Variants in JAM3 observed in about 807,000 individuals in gnomAD.
JAM3 encodes the protein junctional adhesion molecule 3.
Under a neutral mutation model 39.4 loss-of-function variants are expected in JAM3, and 31 were observed. The ratio of observed to expected loss-of-function variants is 0.79; its 90% CI spans 0.59 to 1.06. The LOEUF is 1.06. Among genes scored for constraint, JAM3 ranks in the 50% least tolerant of loss-of-function variants. The pLI, the probability that JAM3 is intolerant of heterozygous loss-of-function variation, is 0.00. For missense variants in JAM3, 455 were observed against 391.4 expected (o/e 1.16, Z -1.37); for synonymous variants, 182 against 148.7 (o/e 1.22, Z -1.63).
rs115441026 is a variant in JAM3 at position 134,094,869 on chromosome 11, A to G, written c.76+25710A>G. ...GTTCACTGCATTTCTTGGCCCAAAT[A>G]TAGTACGTGCTAGATGCTCAATAAT... is the stretch of plus-strand genomic sequence containing the variant. On this transcript the variant is annotated intron_variant, in intron 1 of 8. Transcript: ENST00000299106. Among the ~76,000 whole-genome samples the G allele has an allele frequency of 4.5e-3, 681 of 152,376 alleles. 2 individuals are homozygous for G. The highest frequency in any genetic ancestry group is 0.015 in the African/African-American group (632 of 41,588).
rs1169282660 is a variant in JAM3, at chr11:134,139,861, A to G, written c.87A>G (p.Ile29Met). 3 of 1,613,826 alleles carry G rather than the reference A, an allele frequency of 1.9e-6. No homozygotes were observed. The highest frequency in any genetic ancestry group is 2.5e-6 in the Non-Finnish European group (3 of 1,179,680). The change falls in exon 2 of 9, where the codon ATA becomes ATG. Residue 29 changes from isoleucine to methionine, a missense_variant. Transcript: ENST00000299106. ...TTCTTTCTCCTTCAGGCTGCCTGAT[A>G]GGGGCTGTAAATCTCAAATCCAGCA... is the stretch of plus-strand genomic sequence containing the variant. ...FLLLLFRGCLIGAVNLKSSNR... is the reference protein window; with the variant it reads ...FLLLLFRGCLMGAVNLKSSNR...
At chr11:134,111,411 C>T (rs972551309) in intron 1 of JAM3, among the ~76,000 whole-genome samples, 1 of 152,012 alleles carries the variant, frequency 6.6e-6, no homozygotes, top group Admixed American at 6.6e-5. Flanking sequence ...CACCATTCAT[C>T]TTTTAACTAT....
Position 134,148,755 on chromosome 11 carries a change from T to G in JAM3, c.843-9T>G. ...ACCCTGTTGCTAAACTGCTCTCTTC[T>G]CCTCATAGTTACAAGAACCCAGGGA... is the stretch of plus-strand genomic sequence containing the variant. On this transcript the variant is annotated splice_polypyrimidine_tract_variant and intron_variant, in intron 7 of 8. Transcript: ENST00000299106. 1 of 1,613,678 alleles carries G rather than the reference T, an allele frequency of 6.2e-7. No homozygotes were observed. The highest frequency in any genetic ancestry group is 8.5e-7 in the Non-Finnish European group (1 of 1,179,712).
intron 1 of JAM3, among the ~76,000 whole-genome samples, chr11:134,087,223 A>G (rs557366444): frequency 2.6e-5 from 4 of 152,282 alleles, no homozygotes; most frequent in African/African-American, 4.8e-5. Flanking sequence ...ACACACGCAC[A>G]CACACACACT....
At chr11:134,118,257 CTG>C (rs1475699425) in intron 1 of JAM3, among the ~76,000 whole-genome samples, 5 of 152,200 alleles carry the variant, frequency 3.3e-5, no homozygotes, top group African/African-American at 1.2e-4. Flanking sequence ...ATGTGTTCAT[CTG>C]TGCTTTAGAG....
At chr11:134,093,337 C>T (rs1452655646) in intron 1 of JAM3, among the ~76,000 whole-genome samples, 1 of 132,758 alleles carries the variant, frequency 7.5e-6, no homozygotes, top group African/African-American at 2.9e-5. Context: ...ATGTCACTCC[C>T]TGAGGGAAGC....
At chr11:134,082,867 A>G (rs1941689683) in intron 1 of JAM3, among the ~76,000 whole-genome samples, 1 of 152,210 alleles carries the variant, frequency 6.6e-6, no homozygotes, top group Non-Finnish European at 1.5e-5. Context: ...ATCCCTATAG[A>G]GGACACATAT....
chr11:134,149,201 A>C lies in JAM3; in HGVS notation c.*20A>C, dbSNP rs746562043. ...ATCTGAGACCCGCGGTGTGGCTGAG[A>C]GCGCACAGAGCGCACGTGCACATAC... On this transcript the variant is annotated 3_prime_UTR_variant, in exon 9 of 9. Coordinates refer to ENST00000299106, the MANE Select transcript of JAM3 (RefSeq NM_032801.5). 20 of 1,613,928 alleles carry C rather than the reference A, an allele frequency of 1.2e-5. 1 individual carries two copies. In the South Asian group the frequency reaches 1.6e-4, roughly 13 times the overall value.
intron 1 of JAM3, among the ~76,000 whole-genome samples, chr11:134,109,309 C>T (rs1049167028): frequency 5.3e-5 from 8 of 152,066 alleles, no homozygotes; most frequent in Admixed American, 5.2e-4. Context: ...TCTAGCAGTG[C>T]AACCAGGGAT....
chr11:134,107,945 T>TA (rs1287656737), intron 1 of JAM3, among the ~76,000 whole-genome samples: 1 of 150,904 alleles, frequency 6.6e-6, no homozygotes, highest in Non-Finnish European at 1.5e-5. Context: ...AAGAAGATAA[T>TA]AAAGGTAAAA....
At chr11:134,090,737 C>G (rs1332897357) in intron 1 of JAM3, among the ~76,000 whole-genome samples, 5 of 152,068 alleles carry the variant, frequency 3.3e-5, no homozygotes, top group Admixed American at 6.6e-5. Context: ...TTGAAAACTC[C>G]AAACTACTAA....
chr11:134,082,711 G>A (rs368457323), intron 1 of JAM3, among the ~76,000 whole-genome samples: 5 of 152,190 alleles, frequency 3.3e-5, no homozygotes, highest in Middle Eastern at 3.4e-3. Context: ...GCCCAGTCTC[G>A]GGTATGTCTT....
chr11:134,115,977 T>C (rs1942423739), intron 1 of JAM3, among the ~76,000 whole-genome samples: 1 of 152,206 alleles, frequency 6.6e-6, no homozygotes, highest in Non-Finnish European at 1.5e-5. Flanking sequence ...AAAGGGTATA[T>C]AATATCATCA....
chr11:134,124,976 G>T (rs963936469), intron 1 of JAM3, among the ~76,000 whole-genome samples: 2 of 152,046 alleles, frequency 1.3e-5, no homozygotes, highest in Non-Finnish European at 2.9e-5. Context: ...AGTTACCTCT[G>T]CGGCAGCGGC....
chr11:134,129,153 T>C lies in JAM3; in HGVS notation c.77-10698T>C, dbSNP rs924744400. ...TTTTTTTTTTTTGACAGAGTCTCGCTCTGTTGCCCAGGTTGGAGTGCAGTG... is the reference window on the plus strand; with the variant it reads ...TTTTTTTTTTTTGACAGAGTCTCGCCCTGTTGCCCAGGTTGGAGTGCAGTG... On this transcript the variant is annotated intron_variant, in intron 1 of 8. Coordinates refer to ENST00000299106, the MANE Select transcript of JAM3 (RefSeq NM_032801.5). Among the ~76,000 whole-genome samples the C allele has an allele frequency of 2.7e-5, 4 of 149,828 alleles. No individual in the cohort carries two copies. In the Admixed American group the frequency reaches 2.7e-4, roughly 10 times the overall value.
rs778737716 is a variant in JAM3, at chr11:134,140,736, A to T, written c.222A>T (p.Gln74His). Residue 74 changes from glutamine to histidine, a missense_variant, in exon 3 of 9, where the codon CAA becomes CAT. Transcript: ENST00000299106. ...RIEWKKIQDEQTTYVFFDNKI... is the reference protein window; with the variant it reads ...RIEWKKIQDEHTTYVFFDNKI... ...AGTGGAAGAAAATTCAAGATGAACA[A>T]ACCACATATGTGTTTTTTGACAACA... 3.2e-5 allele frequency: 51 copies of T among 1,613,592 alleles called. No individual in the cohort carries two copies. The highest frequency in any genetic ancestry group is 4.1e-5 in the Non-Finnish European group (48 of 1,179,816).
At chr11:134,102,294 G>C (rs1565489028) in intron 1 of JAM3, among the ~76,000 whole-genome samples, 1 of 152,164 alleles carries the variant, frequency 6.6e-6, no homozygotes, top group Admixed American at 6.6e-5. Context: ...CAGACTTGCA[G>C]CTGAGGGTCC....
intron 1 of JAM3, among the ~76,000 whole-genome samples, chr11:134,075,594 T>G (rs1373269075): frequency 6.6e-6 from 1 of 152,164 alleles, no homozygotes; most frequent in Non-Finnish European, 1.5e-5. Context: ...GGGTAATTTT[T>G]TGAACATTTT....
At chr11:134,148,955 A>AACACACACACACACACACACACACACAC (rs368934602) in intron 8 of JAM3, 137 bp downstream of exon 8, 1 of 624,836 alleles carries the variant, frequency 1.6e-6, no homozygotes, top group Non-Finnish European at 2.8e-6. Flanking sequence ...CCTTCACAGT[A>AACACACACACACACACACACACACACAC]ACACACACAC....
Sources: gnomAD v4.1 joint callset for allele counts (sites outside exome capture counted in the v4.1 genomes callset) on GRCh38, gnomAD v4.1.1 for gene constraint, MANE v1.5 for transcripts, NCBI Gene and HGNC (gene_info 2026-07-23, HGNC 2026-07-21) for gene names.